PIK3R3: variants seen among roughly 807,000 people sequenced by gnomAD.
PIK3R3 encodes phosphatidylinositol 3-kinase regulatory subunit gamma.
In PIK3R3, 64 loss-of-function variants were observed where a neutral mutation model predicts 62.9. That is an observed-to-expected ratio of 1.02 (90% CI 0.83 to 1.25). The LOEUF (loss-of-function observed/expected upper bound fraction) is 1.25. Ranked by LOEUF, PIK3R3 falls within the 50% of genes most tolerant of loss-of-function variation. PIK3R3 has a pLI of 0.00. For synonymous variants in PIK3R3, 165 were observed against 189.0 expected, an observed-to-expected ratio of 0.87 and a Z score of 1.04; for missense variants, 614 against 561.6, an observed-to-expected ratio of 1.09 and a Z score of -0.94.
upstream of PIK3R3, among the ~76,000 whole-genome samples, chr1:46,136,277 A>C (rs1052491513): frequency 3.9e-5 from 6 of 152,144 alleles, no homozygotes; most frequent in African/African-American, 1.4e-4. Context: ...TATCAGTTGC[A>C]GATTTTTAGG....
chr1:46,057,774 T>C (rs908729464), intron 6 of PIK3R3, among the ~76,000 whole-genome samples: 3 of 152,210 alleles, frequency 2.0e-5, no homozygotes, highest in South Asian at 2.1e-4. Flanking sequence ...GTGGGTGCTC[T>C]TAAAAGCATT....
chr1:46,133,019 G>A (rs1289283585), upstream of PIK3R3: 1 of 1,042,288 alleles, frequency 9.6e-7, no homozygotes. Flanking sequence ...GGTGGGTGGT[G>A]ATTGGCTGAG....
At chr1:46,051,410 G>A (rs891822939) in intron 7 of PIK3R3, among the ~76,000 whole-genome samples, 3 of 151,950 alleles carry the variant, frequency 2.0e-5, no homozygotes, top group East Asian at 1.9e-4. Context: ...ACAGGCATGC[G>A]CCACCATGCC....
At chr1:46,112,859 C>A (rs1180938887) in intron 1 of PIK3R3, among the ~76,000 whole-genome samples, 2 of 152,108 alleles carry the variant, frequency 1.3e-5, no homozygotes, top group South Asian at 2.1e-4. Flanking sequence ...ATGTAAGAGG[C>A]CATATAATCC....
the PIK3R3 span, among the ~76,000 whole-genome samples, chr1:46,167,735 C>T: frequency 2.0e-5 from 3 of 152,324 alleles, no homozygotes; most frequent in African/African-American, 7.2e-5. Context: ...TATACTGCTG[C>T]CCTTCAGTCA....
At chr1:46,073,238 C>G (rs1219859148) in intron 3 of PIK3R3, among the ~76,000 whole-genome samples, 29 of 152,242 alleles carry the variant, frequency 1.9e-4, no homozygotes, top group Non-Finnish European at 1.5e-5. Flanking sequence ...GTCCACCTTG[C>G]CTTTGTCAAA....
intron 1 of PIK3R3, among the ~76,000 whole-genome samples, chr1:46,108,877 C>T (rs114556594): frequency 0.012 from 1,807 of 152,140 alleles, 29 homozygotes; most frequent in African/African-American, 0.038. Context: ...TTATGTTTCT[C>T]GGCCAGGCGC....
chr1:46,121,593 G>A lies in PIK3R3; in HGVS notation c.106+10254C>T, dbSNP rs116799977. On this transcript the variant is annotated intron_variant, in intron 1 of 9. Transcript: ENST00000262741. Reference sequence around the variant, plus strand: ...GAGGATTGCTTGAGCCCAGGAGTTCGAGACAAGCTTGGGCAACCTGGAAAG... The same window carrying A: ...GAGGATTGCTTGAGCCCAGGAGTTCAAGACAAGCTTGGGCAACCTGGAAAG... 9.9e-3 allele frequency among the ~76,000 whole-genome samples: 1,500 copies of A among 152,078 alleles called. 13 individuals are homozygous for A. The highest frequency in any genetic ancestry group is 0.025 in the African/African-American group (1,022 of 41,482).
chr1:46,055,361 C>T (rs6680453), intron 7 of PIK3R3, among the ~76,000 whole-genome samples: 5,043 of 152,278 alleles, frequency 0.033, 283 homozygotes, highest in African/African-American at 0.12. Context: ...CTGCCTACCT[C>T]GGCCTCCCAA....
chr1:46,155,377 A>G, the PIK3R3 span, among the ~76,000 whole-genome samples: 1 of 151,586 alleles, frequency 6.6e-6, no homozygotes, highest in South Asian at 2.1e-4. Flanking sequence ...GCGGAGTCAG[A>G]TATATGGTTT....
the PIK3R3 span, among the ~76,000 whole-genome samples, chr1:46,174,078 T>C: frequency 6.6e-6 from 1 of 152,182 alleles, no homozygotes; most frequent in African/African-American, 2.4e-5. Flanking sequence ...TTTAGAGGCA[T>C]GCGTATGTGT....
intron 6 of PIK3R3, chr1:46,057,295 T>G (rs1648017473): frequency 6.6e-6 from 1 of 152,374 alleles, no homozygotes; most frequent in Non-Finnish European, 1.5e-5. Context: ...TAAGCCTAAT[T>G]AAGCCTCTTC....
intron 1 of PIK3R3, among the ~76,000 whole-genome samples, chr1:46,117,554 A>C (rs1290166193): frequency 2.0e-5 from 3 of 152,200 alleles, no homozygotes; most frequent in Non-Finnish European, 4.4e-5. Flanking sequence ...TGGCAACTGG[A>C]TGTCAGAGAT....
At chr1:46,107,482 G>C (rs1653329936) in intron 1 of PIK3R3, among the ~76,000 whole-genome samples, 1 of 148,388 alleles carries the variant, frequency 6.7e-6, no homozygotes, top group Non-Finnish European at 1.5e-5. Flanking sequence ...AAGAGACCAG[G>C]AAGCGGAGGT....
chr1:46,045,475 A>G, intron 9 of PIK3R3, among the ~76,000 whole-genome samples: 1 of 152,192 alleles, frequency 6.6e-6, no homozygotes, highest in Non-Finnish European at 1.5e-5. Context: ...TCCTGTCACT[A>G]CATCAACAGA....
intron 3 of PIK3R3, among the ~76,000 whole-genome samples, chr1:46,075,023 C>G (rs1194924696): frequency 1.3e-5 from 2 of 152,148 alleles, no homozygotes; most frequent in African/African-American, 4.8e-5. Context: ...GAAATCAAAA[C>G]CCTGAGCTCA....
chr1:46,074,157 G>A (rs1027758277), intron 3 of PIK3R3, among the ~76,000 whole-genome samples: 4 of 150,324 alleles, frequency 2.7e-5, no homozygotes, highest in Admixed American at 6.6e-5. Context: ...GGGCGTGGTG[G>A]CGGGCGCCTG....
chr1:46,040,222 G>C lies in PIK3R3; in HGVS notation c.*3451C>G. The C allele has an allele frequency of 4.4e-6, 1 of 228,608 alleles. No homozygotes were observed. The allele number at this position is 228,608 out of a possible 1,614,324, so 14.2% of individuals were successfully genotyped here. A position where few individuals can be genotyped will look rare whatever the true frequency, so the allele number is the denominator to read the frequency against. On this transcript the variant is annotated 3_prime_UTR_variant, in exon 10 of 10. Transcript: ENST00000262741. ...TCTTGGGGAAGGTATTAAACAAAAA[G>C]ACCAATAAGTATCTCCTCTCGCCTT...
At chr1:46,106,451 T>G (rs1653215142) in intron 1 of PIK3R3, among the ~76,000 whole-genome samples, 1 of 152,196 alleles carries the variant, frequency 6.6e-6, no homozygotes, top group Non-Finnish European at 1.5e-5. Flanking sequence ...ATTATCTCCC[T>G]GCCCCCTCAA....
Sources: gnomAD v4.1 joint callset for allele counts (sites outside exome capture counted in the v4.1 genomes callset) on GRCh38, gnomAD v4.1.1 for gene constraint, MANE v1.5 for transcripts, NCBI Gene and HGNC (gene_info 2026-07-23, HGNC 2026-07-21) for gene names.